CDC14A: variants seen among roughly 807,000 people sequenced by gnomAD.
The protein encoded by CDC14A is cell division cycle 14A, also known as dual specificity protein phosphatase CDC14A.
In CDC14A, 53 loss-of-function variants were observed where a neutral mutation model predicts 74.4. The ratio of observed to expected loss-of-function variants is 0.71; its 90% CI spans 0.57 to 0.89. The LOEUF is 0.89. CDC14A is among the 40% of genes least tolerant of loss of function. The pLI is 0.00. For synonymous variants in CDC14A, 247 were observed against 258.4 expected (o/e 0.96, Z 0.43); for missense variants, 646 against 713.7 (o/e 0.91, Z 1.08).
intron 5 of CDC14A, among the ~76,000 whole-genome samples, chr1:100,436,854 C>T (rs1239406208): frequency 6.6e-6 from 1 of 152,154 alleles, no homozygotes; most frequent in Non-Finnish European, 1.5e-5. Flanking sequence ...TTCTCCTAGT[C>T]TTTGTTGGTT....
intron 3 of CDC14A, among the ~76,000 whole-genome samples, chr1:100,389,020 C>T (rs1432729405): frequency 6.6e-6 from 1 of 151,576 alleles, no homozygotes; most frequent in Non-Finnish European, 1.5e-5. Flanking sequence ...ACGAAAAATA[C>T]AAATATTTGC....
intron 4 of CDC14A, among the ~76,000 whole-genome samples, chr1:100,407,184 CT>C (rs1198595527): frequency 6.6e-6 from 1 of 151,776 alleles, no homozygotes; most frequent in Non-Finnish European, 1.5e-5. Flanking sequence ...TATTCAGGCT[CT>C]TTTTTGATTC....
chr1:100,449,065 T>C (rs11166455), intron 7 of CDC14A, among the ~76,000 whole-genome samples: 41,751 of 152,150 alleles, frequency 0.27, 7,685 homozygotes, highest in African/African-American at 0.52. Context: ...ATTTTGTTCC[T>C]GAGATATTCA....
intron 11 of CDC14A, among the ~76,000 whole-genome samples, chr1:100,486,496 C>T (rs1444151187): frequency 3.3e-5 from 5 of 152,178 alleles, no homozygotes; most frequent in African/African-American, 1.2e-4. Flanking sequence ...ATTTATTTCT[C>T]ACGGTTCTGC....
At chr1:100,359,813 C>A (rs1570948046) in intron 2 of CDC14A, among the ~76,000 whole-genome samples, 2 of 149,980 alleles carry the variant, frequency 1.3e-5, no homozygotes, top group African/African-American at 2.4e-5. Flanking sequence ...AGGTATTCTC[C>A]AAAAAAAACC....
intron 10 of CDC14A, among the ~76,000 whole-genome samples, chr1:100,476,280 C>G (rs1187814799): frequency 6.6e-6 from 1 of 152,078 alleles, no homozygotes; most frequent in Non-Finnish European, 1.5e-5. Context: ...TGGTGAAACC[C>G]CGTCTCTACT....
intron 10 of CDC14A, among the ~76,000 whole-genome samples, chr1:100,476,372 T>C (rs961452021): frequency 3.3e-5 from 5 of 152,134 alleles, no homozygotes; most frequent in African/African-American, 1.2e-4. Context: ...CAATTGAACC[T>C]TGGAGGCAGA....
At chr1:100,445,648 C>A (rs1571211400) in intron 7 of CDC14A, among the ~76,000 whole-genome samples, 1 of 152,032 alleles carries the variant, frequency 6.6e-6, no homozygotes, top group Middle Eastern at 3.2e-3. Flanking sequence ...AATGGTGATG[C>A]TGAGGGTTAG....
intron 3 of CDC14A, among the ~76,000 whole-genome samples, chr1:100,385,917 C>T (rs115526883): frequency 0.034 from 5,122 of 152,154 alleles, 293 homozygotes; most frequent in African/African-American, 0.12. Flanking sequence ...TTGTAATCCC[C>T]GCACTTTGAG....
At chr1:100,351,556 C>A, upstream of CDC14A, 1 of 605,482 alleles carries the variant, frequency 1.7e-6, no homozygotes, top group Non-Finnish European at 2.9e-6. Context: ...TCAGCTGAGA[C>A]TATGTAAAGA....
At chr1:100,504,909 C>T (rs1196089048) in intron 15 of CDC14A, 1 of 1,529,904 alleles carries the variant, frequency 6.5e-7, no homozygotes, top group Non-Finnish European at 8.8e-7. Flanking sequence ...CATATATTAC[C>T]TCCCATGTCT....
intron 2 of CDC14A, among the ~76,000 whole-genome samples, chr1:100,371,902 AAAAGGTTACCTTAATC>A (rs1654528366): frequency 6.6e-6 from 1 of 152,232 alleles, no homozygotes; most frequent in African/African-American, 2.4e-5. Context: ...TTATTTAGAA[AAAAGGTTACCTTAATC>A]AATACTGGTA....
At chr1:100,465,066 C>T (rs1300196895) in intron 9 of CDC14A, among the ~76,000 whole-genome samples, 1 of 151,944 alleles carries the variant, frequency 6.6e-6, no homozygotes, top group African/African-American at 2.4e-5. Flanking sequence ...TCTGGAATTA[C>T]AGGTGCCCAC....
At chr1:100,464,022 C>T (rs995312524) in intron 9 of CDC14A, among the ~76,000 whole-genome samples, 2 of 152,130 alleles carry the variant, frequency 1.3e-5, no homozygotes, top group Non-Finnish European at 2.9e-5. Context: ...CTGTAACTGA[C>T]TTATTCAGAC....
chr1:100,518,558 T>A lies in CDC14A; in HGVS notation c.*278T>A, dbSNP rs1650424608. The A allele has an allele frequency of 6.7e-6, 2 of 300,514 alleles. No homozygotes were observed. The highest frequency in any genetic ancestry group is 1.3e-5 in the Non-Finnish European group (2 of 159,866). 18.6% of individuals were successfully genotyped at this position (300,514 alleles called of 1,614,324 possible). A position where few individuals can be genotyped will look rare whatever the true frequency, so the allele number is the denominator to read the frequency against. ...GTATTTTGAAGGGTTATTTTTAATG[T>A]ATTTTGGTAATACATTTATTATTAT... On this transcript the variant is annotated 3_prime_UTR_variant, in exon 16 of 16. Coordinates refer to ENST00000336454, the MANE Select transcript of CDC14A (RefSeq NM_003672.4).
At chr1:100,391,785 C>T (rs1427791448) in intron 4 of CDC14A, among the ~76,000 whole-genome samples, 1 of 152,210 alleles carries the variant, frequency 6.6e-6, no homozygotes, top group African/African-American at 2.4e-5. Context: ...AAGCTGTCAG[C>T]TATTGCAGGG....
chr1:100,459,116 CACACACACACAG>C (rs1667046261), intron 8 of CDC14A, among the ~76,000 whole-genome samples: 3 of 147,960 alleles, frequency 2.0e-5, no homozygotes, highest in African/African-American at 5.2e-5. Context: ...CACACACACA[CACACACACACAG>C]AGAGAGAGAG....
chr1:100,376,090 C>T (rs1315067328), intron 2 of CDC14A, among the ~76,000 whole-genome samples: 1 of 151,804 alleles, frequency 6.6e-6, no homozygotes, highest in African/African-American at 2.4e-5. Context: ...TAGGTGGGAA[C>T]TGAACAATGA....
At chr1:100,362,814 G>T (rs914515001) in intron 2 of CDC14A, among the ~76,000 whole-genome samples, 3 of 152,124 alleles carry the variant, frequency 2.0e-5, no homozygotes, top group Non-Finnish European at 2.9e-5. Context: ...CAGCATTGTT[G>T]CCTGGGGTAA....
Sources: allele counts gnomAD v4.1 joint callset (sites outside exome capture counted in the v4.1 genomes callset), GRCh38; gene constraint gnomAD v4.1.1; transcripts MANE v1.5; gene names NCBI Gene and HGNC (gene_info 2026-07-23, HGNC 2026-07-21).